Variants in RARB observed in about 807,000 individuals in gnomAD.
RARB encodes the protein retinoic acid receptor beta.
RARB carries 17 observed loss-of-function variants against 51.9 expected under a neutral mutation model. That is an observed-to-expected ratio of 0.33 (90% CI 0.22 to 0.49). The LOEUF (loss-of-function observed/expected upper bound fraction) is 0.49. Ranked by LOEUF, RARB falls within the 20% of genes least tolerant of loss-of-function variation. RARB has a pLI of 0.99. For missense variants in RARB, 369 were observed against 550.8 expected, an observed-to-expected ratio of 0.67 and a Z score of 3.30; for synonymous variants, 215 against 195.4, an observed-to-expected ratio of 1.10 and a Z score of -0.84.
chr3:25,245,135 T>TC (rs1702526669), intron 5 of RARB, among the ~76,000 whole-genome samples: 1 of 152,206 alleles, frequency 6.6e-6, no homozygotes, highest in Non-Finnish European at 1.5e-5. Flanking sequence ...AACTCCTGTT[T>TC]TTTTTGCTTT....
At chr3:25,589,881 A>G (rs1320224217) in intron 5 of RARB, among the ~76,000 whole-genome samples, 1 of 152,184 alleles carries the variant, frequency 6.6e-6, no homozygotes, top group Non-Finnish European at 1.5e-5. Flanking sequence ...TTCCTTTCAA[A>G]CAAAGAGTGT....
chr3:25,502,815 C>T (rs1014708894), intron 3 of RARB, among the ~76,000 whole-genome samples: 1 of 152,154 alleles, frequency 6.6e-6, no homozygotes, highest in African/African-American at 2.4e-5. Flanking sequence ...AGCTGTAGGA[C>T]AAAGCATGCA....
At chr3:24,865,990 T>C (rs2125345552) in intron 2 of RARB, among the ~76,000 whole-genome samples, 1 of 152,250 alleles carries the variant, frequency 6.6e-6, no homozygotes. Flanking sequence ...CTAATTAAGC[T>C]ATTTCTAGGT....
chr3:25,048,790 C>T (rs1187856035), intron 2 of RARB, among the ~76,000 whole-genome samples: 6 of 132,006 alleles, frequency 4.5e-5, no homozygotes, highest in African/African-American at 1.4e-4. Flanking sequence ...GAGTCTCGCT[C>T]TGTTGCCCAG....
intron 2 of RARB, among the ~76,000 whole-genome samples, chr3:24,992,801 C>G (rs576344224): frequency 1.3e-5 from 2 of 152,250 alleles, no homozygotes; most frequent in Middle Eastern, 3.4e-3. Context: ...CCTTCATTGT[C>G]CTTTTAAAGG....
intron 2 of RARB, among the ~76,000 whole-genome samples, chr3:24,957,181 C>G (rs1696035957): frequency 6.6e-6 from 1 of 152,108 alleles, no homozygotes; most frequent in African/African-American, 2.4e-5. Flanking sequence ...GAAGTGGAAT[C>G]TGGACAAAGC....
At chr3:25,289,702 G>A (rs1164508848) in intron 5 of RARB, among the ~76,000 whole-genome samples, 2 of 152,052 alleles carry the variant, frequency 1.3e-5, no homozygotes, top group African/African-American at 4.8e-5. Context: ...ATTAACAAAT[G>A]TTTATAGCAT....
intron 3 of RARB, among the ~76,000 whole-genome samples, chr3:25,124,980 T>G (rs971988524): frequency 6.6e-6 from 1 of 152,230 alleles, no homozygotes; most frequent in Admixed American, 6.5e-5. Context: ...TAATGACTTA[T>G]ATAAAACTTA....
At chr3:24,854,543 T>G (rs1187736451) in intron 1 of RARB, among the ~76,000 whole-genome samples, 1 of 152,148 alleles carries the variant, frequency 6.6e-6, no homozygotes, top group Non-Finnish European at 1.5e-5. Context: ...GTAATGTAAA[T>G]TTTCAGGCTC....
intron 5 of RARB, among the ~76,000 whole-genome samples, chr3:25,209,588 A>G (rs1472957845): frequency 6.6e-6 from 1 of 152,198 alleles, no homozygotes; most frequent in African/African-American, 2.4e-5. Context: ...CTTGGAGAAT[A>G]TATTTCGGCT....
intron 2 of RARB, among the ~76,000 whole-genome samples, chr3:24,915,172 C>CT (rs749741245): frequency 3.3e-5 from 5 of 152,066 alleles, no homozygotes; most frequent in Non-Finnish European, 5.9e-5. Flanking sequence ...CAAAAACAAA[C>CT]TTTTTTTTGA....
chr3:25,528,270 A>C (rs1153601), intron 3 of RARB, among the ~76,000 whole-genome samples: 71,594 of 152,026 alleles, frequency 0.47, 19,364 homozygotes, highest in African/African-American at 0.73. Flanking sequence ...CCAGCATTTG[A>C]TTTAGCTGTT....
intron 5 of RARB, among the ~76,000 whole-genome samples, chr3:25,195,382 G>A (rs940688017): frequency 2.2e-4 from 34 of 152,086 alleles, no homozygotes; most frequent in African/African-American, 7.5e-4. Flanking sequence ...GATATTTGAT[G>A]ACATTGGATT....
intron 2 of RARB, among the ~76,000 whole-genome samples, chr3:24,900,711 A>G (rs1265847066): frequency 6.6e-6 from 1 of 152,202 alleles, no homozygotes; most frequent in Non-Finnish European, 1.5e-5. Flanking sequence ...CAGCTGATGT[A>G]AATGCATTTA....
Position 24,987,548 on chromosome 3 carries a change from G to T in RARB, c.-379-72577G>T, listed in dbSNP as rs538440869. ...CTGTTATATTATTCACTTGCCTTGG[G>T]GCAACATTAGAAATATATTCCATTT... On this transcript the variant is annotated intron_variant, in intron 2 of 11. Transcript: ENST00000383772. 2.6e-5 allele frequency among the ~76,000 whole-genome samples: 4 copies of T among 152,264 alleles called. No homozygotes were observed. In the South Asian group the frequency reaches 6.2e-4, roughly 24 times the overall value.
chr3:25,438,413 A>G (rs1050730146), intron 1 of RARB, among the ~76,000 whole-genome samples: 1 of 151,816 alleles, frequency 6.6e-6, no homozygotes, highest in African/African-American at 2.4e-5. Flanking sequence ...GCACTATAAC[A>G]AGAAAGAAAG....
chr3:25,085,569 A>G (rs1269762256), intron 3 of RARB, among the ~76,000 whole-genome samples: 1 of 151,946 alleles, frequency 6.6e-6, no homozygotes, highest in African/African-American at 2.4e-5. Flanking sequence ...TCTTTATACC[A>G]TATCCAATTC....
chr3:25,365,457 A>C (rs558819299), intron 5 of RARB, among the ~76,000 whole-genome samples: 4 of 151,990 alleles, frequency 2.6e-5, no homozygotes, highest in African/African-American at 9.6e-5. Context: ...ATATGGTTCT[A>C]TGTTCCAGTT....
chr3:25,404,124 A>G (rs1048631640), intron 5 of RARB, among the ~76,000 whole-genome samples: 10 of 152,304 alleles, frequency 6.6e-5, no homozygotes, highest in African/African-American at 2.2e-4. Flanking sequence ...TGAGGAAAGC[A>G]GGGAGGAGTG....
Sources: gnomAD v4.1 joint callset for allele counts (sites outside exome capture counted in the v4.1 genomes callset) on GRCh38, gnomAD v4.1.1 for gene constraint, MANE v1.5 for transcripts, NCBI Gene and HGNC (gene_info 2026-07-23, HGNC 2026-07-21) for gene names.